ZNF292: variants seen among roughly 807,000 people sequenced by gnomAD.
The protein encoded by ZNF292 is 16 zinc-finger domain protein.
In ZNF292, 26 loss-of-function variants were observed where a neutral mutation model predicts 217.9. The ratio of observed to expected loss-of-function variants is 0.12; its 90% CI spans 0.09 to 0.17. The LOEUF (loss-of-function observed/expected upper bound fraction) is 0.17. Ranked by LOEUF, ZNF292 falls within the 10% of genes least tolerant of loss-of-function variation. ZNF292 has a pLI of 1.00. For synonymous variants in ZNF292, 1,257 were observed against 1,124.1 expected, an observed-to-expected ratio of 1.12 and a Z score of -2.37; for missense variants, 2,904 against 3,175.2, an observed-to-expected ratio of 0.91 and a Z score of 2.05.
intron 1 of ZNF292, among the ~76,000 whole-genome samples, chr6:87,186,216 T>A (rs1357762679): frequency 6.6e-6 from 1 of 152,240 alleles, no homozygotes; most frequent in African/African-American, 2.4e-5. Flanking sequence ...TCAGGCATAT[T>A]TTTCTAGGTT....
At chr6:87,222,796 T>G (rs1773151353) in intron 4 of ZNF292, 1 of 453,566 alleles carries the variant, frequency 2.2e-6, no homozygotes, top group African/African-American at 2.0e-5. Flanking sequence ...CCACATTACA[T>G]TTAGTCGTCA....
chr6:87,230,233 T>C (rs1312601757), intron 4 of ZNF292, among the ~76,000 whole-genome samples: 2 of 124,784 alleles, frequency 1.6e-5, no homozygotes, highest in African/African-American at 5.9e-5. Flanking sequence ...TCAAAGATGC[T>C]GCAAAGGAAA....
At chr6:87,162,661 A>C (rs1315674442) in intron 1 of ZNF292, among the ~76,000 whole-genome samples, 1 of 152,226 alleles carries the variant, frequency 6.6e-6, no homozygotes, top group Non-Finnish European at 1.5e-5. Flanking sequence ...AGCAAAACTA[A>C]GCTTTGCTTG....
intron 1 of ZNF292, among the ~76,000 whole-genome samples, chr6:87,200,066 A>G (rs1772062458): frequency 6.6e-6 from 1 of 152,192 alleles, no homozygotes; most frequent in African/African-American, 2.4e-5. Context: ...GCTTCTTTGA[A>G]TCTAATTATG....
intron 1 of ZNF292, among the ~76,000 whole-genome samples, chr6:87,214,076 C>CT (rs1337091083): frequency 6.6e-6 from 1 of 152,078 alleles, no homozygotes; most frequent in African/African-American, 2.4e-5. Flanking sequence ...AAAAGTGAGT[C>CT]TCTGGATTGG....
At chr6:87,188,781 G>A (rs550209365) in intron 1 of ZNF292, among the ~76,000 whole-genome samples, 11 of 149,234 alleles carry the variant, frequency 7.4e-5, no homozygotes, top group African/African-American at 2.7e-4. Context: ...AAAAACAACA[G>A]TGAATTAAAC....
At position 87,239,436 on chromosome 6, in the gene ZNF292, G is replaced by A. The variant is rs796804421; in HGVS notation, c.742-4039G>A. On this transcript the variant is annotated intron_variant, in intron 5 of 7. Transcript: ENST00000369577. ...TCCCAGACGGGGTGGCTGGCCGGGCGGGGGCTGCCCCCCACCTACCTCCCG... is the reference window on the plus strand; with the variant it reads ...TCCCAGACGGGGTGGCTGGCCGGGCAGGGGCTGCCCCCCACCTACCTCCCG... Among the ~76,000 whole-genome samples the A allele has an allele frequency of 4.9e-3, 434 of 87,698 alleles. 1 individual carries two copies. The highest frequency in any genetic ancestry group is 0.019 in the African/African-American group (376 of 19,352). 57.5% of individuals were successfully genotyped at this position (87,698 alleles called of 152,430 possible).
intron 4 of ZNF292, among the ~76,000 whole-genome samples, chr6:87,229,272 C>T (rs1773526343): frequency 6.6e-6 from 1 of 152,044 alleles, no homozygotes; most frequent in Non-Finnish European, 1.5e-5. Context: ...TATCTTGCAG[C>T]TTTACCAAAT....
chr6:87,162,207 C>G (rs982326520), intron 1 of ZNF292, among the ~76,000 whole-genome samples: 8 of 152,114 alleles, frequency 5.3e-5, no homozygotes, highest in Non-Finnish European at 1.0e-4. Context: ...CCTTTGTTAG[C>G]CATTATTGGT....
chr6:87,265,745 G>A lies in ZNF292; in HGVS notation c.*3944G>A, dbSNP rs1233537727. ...TATTCAACCAGGACTGATAATCAACGTGTACACCAATTCAATTGTATCAGC... is the reference window on the plus strand; with the variant it reads ...TATTCAACCAGGACTGATAATCAACATGTACACCAATTCAATTGTATCAGC... On this transcript the variant is annotated 3_prime_UTR_variant, in exon 8 of 8. Transcript: ENST00000369577. Among the ~76,000 whole-genome samples, 1 of 152,104 alleles carries A rather than the reference G, an allele frequency of 6.6e-6. No homozygotes were observed.
chr6:87,211,578 G>A (rs1772487319), intron 1 of ZNF292, among the ~76,000 whole-genome samples: 1 of 151,948 alleles, frequency 6.6e-6, no homozygotes, highest in Non-Finnish European at 1.5e-5. Context: ...TTTAATATAA[G>A]CATATTACTA....
chr6:87,155,688 G>C lies in ZNF292; in HGVS notation c.97G>C (p.Glu33Gln), dbSNP rs1346248132. 6.3e-7 allele frequency: 1 copy of C among 1,590,576 alleles called. No individual in the cohort carries two copies. The highest frequency in any genetic ancestry group is 1.8e-5 in the Admixed American group (1 of 56,668). ...CCTGGGCGAGCGGCTCCAGGAGCTG[G>C]AGCTACAGCTGCGGGAGAGCCGGGT... Reference protein sequence around the residue: ...QRLGERLQELELQLRESRVPA... With the variant: ...QRLGERLQELQLQLRESRVPA... Residue 33 changes from glutamate (E) to glutamine (Q), a missense_variant, in exon 1 of 8, where the codon GAG (glutamate) becomes CAG (glutamine). Around this residue, in one of 15 missense-constraint regions of ZNF292, gnomAD observed 66 missense variants for 44.1 expected, o/e 1.50. Transcript: ENST00000369577.
In ZNF292 at chr6:87,233,434, T is replaced by G. The variant is rs201983558; in HGVS notation, c.648T>G (p.Ser216=). ...SQATALAKLC[S]DHPEIGIKGS... ...CAACTGCTCTAGCAAAGCTGTGTTC[T>G]GACCATCCAGAGATTGGCATAAAAG... The change falls in exon 5 of 8, where the codon TCT becomes TCG. Residue 216 remains serine, a synonymous_variant. Coordinates refer to ENST00000369577, the MANE Select transcript of ZNF292 (RefSeq NM_015021.3). 1 of 1,613,556 alleles carries G rather than the reference T, an allele frequency of 6.2e-7. No individual in the cohort carries two copies. Among genetic ancestry groups the G allele is most frequent in the Non-Finnish European group, 8.5e-7 (1 of 1,179,714 alleles).
At position 87,258,203 on chromosome 6, in the gene ZNF292, C is replaced by CTT. The variant is rs747812959; in HGVS notation, c.4574_4575insTT (p.Thr1526Ter). 2 of 1,611,624 alleles carry CTT rather than the reference C, an allele frequency of 1.2e-6. No homozygotes were observed. The highest frequency in any genetic ancestry group is 2.2e-5 in the South Asian group (2 of 90,628). ...GTCTCTGATGCATCACAAGTAAATG[C>CTT]AACGGTGATGCCAAATCCAACTGTA... On this transcript the variant is annotated frameshift_variant, in exon 8 of 8. Transcript: ENST00000369577. LOFTEE classifies it high-confidence loss of function.
intron 4 of ZNF292, among the ~76,000 whole-genome samples, chr6:87,221,441 A>G (rs889918410): frequency 1.5e-4 from 23 of 152,206 alleles, no homozygotes; most frequent in African/African-American, 5.3e-4. Context: ...AGAGTATGGT[A>G]CTTATGTAGT....
Position 87,258,021 on chromosome 6 carries a change from A to C in ZNF292, c.4392A>C (p.Ala1464=). 1 of 1,613,892 alleles carries C rather than the reference A, an allele frequency of 6.2e-7. No homozygotes were observed. Among genetic ancestry groups the C allele is most frequent in the Non-Finnish European group, 8.5e-7 (1 of 1,179,806 alleles). Residue 1464 remains alanine, a synonymous_variant, in exon 8 of 8, where the codon GCA becomes GCC. Coordinates refer to ENST00000369577, the MANE Select transcript of ZNF292 (RefSeq NM_015021.3). ...TTCTTGCTGAAAATCGCTCGCCAGC[A>C]TTTTTACCAAATACATTTCCTCGAT... The part of the protein sequence containing the change: ...LQLLAENRSP[A]FLPNTFPRSG...
chr6:87,238,627 CAGTA>C (rs1276113090), intron 5 of ZNF292, among the ~76,000 whole-genome samples: 1 of 137,322 alleles, frequency 7.3e-6, no homozygotes, highest in African/African-American at 2.7e-5. Flanking sequence ...TTTTTTTTTT[CAGTA>C]AGTATTTATT....
chr6:87,259,629 A>G lies in ZNF292; in HGVS notation c.6000A>G (p.Ser2000=). ...CTCAGAGTGAAAATGTGCCGGCCTCACGAAGTACACAAGTGAAAAAACAGC... is the reference window on the plus strand; with the variant it reads ...CTCAGAGTGAAAATGTGCCGGCCTCGCGAAGTACACAAGTGAAAAAACAGC... ...RKSQSENVPA[S]RSTQVKKQLA... The change falls in exon 8 of 8, where the codon TCA becomes TCG. Residue 2000 remains serine (S), a synonymous_variant. Transcript: ENST00000369577. 6.3e-7 allele frequency: 1 copy of G among 1,583,164 alleles called. No individual in the cohort carries two copies. The highest frequency in any genetic ancestry group is 1.2e-5 in the South Asian group (1 of 86,844).
intron 4 of ZNF292, among the ~76,000 whole-genome samples, chr6:87,227,941 GTTC>G (rs1427511097): frequency 6.6e-6 from 1 of 152,134 alleles, no homozygotes; most frequent in Non-Finnish European, 1.5e-5. Flanking sequence ...CCTGCTTTCA[GTTC>G]TTCTGGGTAT....
Sources: gnomAD v4.1 joint callset for allele counts (sites outside exome capture counted in the v4.1 genomes callset) on GRCh38, gnomAD v4.1.1 for gene constraint, gnomAD v4.1.1 regional missense constraint, MANE v1.5 for transcripts, NCBI Gene and HGNC (gene_info 2026-07-23, HGNC 2026-07-21) for gene names.